The following ROBO2 variants were observed in gnomAD, a reference collection of about 807,000 sequenced individuals.
ROBO2 encodes the protein roundabout guidance receptor 2, also known as roundabout homolog 2.
In ROBO2, 53 loss-of-function variants were observed where a neutral mutation model predicts 160.8. The ratio of observed to expected loss-of-function variants is 0.33; its 90% confidence interval spans 0.26 to 0.41. The LOEUF is 0.41. ROBO2 is among the 10% of genes least tolerant of loss of function. The probability of loss-of-function intolerance (pLI) is 1.00; values close to 1 mark genes in which losing one functional copy is unlikely to be tolerated. For synonymous variants in ROBO2, 664 were observed against 611.7 expected (o/e 1.09, Z -1.26); for missense variants, 1,577 against 1,722.4 (o/e 0.92, Z 1.49).
intron 2 of ROBO2, among the ~76,000 whole-genome samples, chr3:77,369,233 T>G (rs2071393931): frequency 6.6e-6 from 1 of 152,146 alleles, no homozygotes; most frequent in Non-Finnish European, 1.5e-5. Context: ...TGAACAACCC[T>G]GAAAGTTGTT....
At chr3:77,000,400 T>A (rs1370278710) in intron 2 of ROBO2, among the ~76,000 whole-genome samples, 1 of 152,196 alleles carries the variant, frequency 6.6e-6, no homozygotes, top group Admixed American at 6.6e-5. Flanking sequence ...TCAGTCTGGA[T>A]GCTTCTCCCT....
chr3:77,502,940 G>C (rs2087835173), intron 5 of ROBO2, among the ~76,000 whole-genome samples: 1 of 152,080 alleles, frequency 6.6e-6, no homozygotes, highest in East Asian at 1.9e-4. Context: ...CTCTTCTAGG[G>C]TATTGATAGT....
intron 2 of ROBO2, among the ~76,000 whole-genome samples, chr3:77,182,058 T>C (rs2150856534): frequency 6.6e-6 from 1 of 152,240 alleles, no homozygotes; most frequent in South Asian, 2.1e-4. Flanking sequence ...GGTTATTTCT[T>C]TGTATACAGT....
At chr3:76,134,267 AC>A (rs1185707764) in intron 2 of ROBO2, among the ~76,000 whole-genome samples, 1 of 145,960 alleles carries the variant, frequency 6.9e-6, no homozygotes, top group Non-Finnish European at 1.5e-5. Context: ...AAGTGAAGAT[AC>A]TTTTTTTTTC....
At chr3:75,906,823 G>A (rs1559741242) in exon 1 of ROBO2, 1 of 152,316 alleles carries the variant, frequency 6.6e-6, no homozygotes, top group African/African-American at 2.4e-5. Flanking sequence ...GGGAGAAACC[G>A]GGGAGCAGCG....
intron 1 of ROBO2, among the ~76,000 whole-genome samples, chr3:77,084,131 CT>C (rs1198904938): frequency 4.6e-5 from 7 of 151,814 alleles, no homozygotes; most frequent in Non-Finnish European, 1.0e-4. Flanking sequence ...ATATTTTTTT[CT>C]GTTATTTATA....
intron 2 of ROBO2, among the ~76,000 whole-genome samples, chr3:76,581,597 C>T (rs2108734217): frequency 6.6e-6 from 1 of 152,134 alleles, no homozygotes; most frequent in East Asian, 1.9e-4. Context: ...ATGATCATGA[C>T]ACTGCACTCC....
At chr3:76,063,519 T>A (rs888313852) in intron 2 of ROBO2, among the ~76,000 whole-genome samples, 3 of 151,846 alleles carry the variant, frequency 2.0e-5, no homozygotes, top group Admixed American at 6.6e-5. Context: ...AATTTTATTT[T>A]TTTTTTTGTA....
intron 2 of ROBO2, among the ~76,000 whole-genome samples, chr3:76,111,465 G>A (rs1234850307): frequency 6.6e-6 from 1 of 151,958 alleles, no homozygotes; most frequent in East Asian, 1.9e-4. Flanking sequence ...CTTTGTGAGG[G>A]CAGCCCTAGG....
chr3:76,866,524 A>C (rs931377546), intron 2 of ROBO2, among the ~76,000 whole-genome samples: 1 of 152,096 alleles, frequency 6.6e-6, no homozygotes, highest in African/African-American at 2.4e-5. Context: ...ATTTACATTA[A>C]ACTAAAATTA....
rs1306240351 is a variant in ROBO2, at chr3:77,040,272, A to G, written c.-514A>G. Reference sequence around the variant, plus strand: ...TATTATGGAAGTTAAGTAAAAATATAGACATATTAAAAAATAACTCCGGAC... The same window carrying G: ...TATTATGGAAGTTAAGTAAAAATATGGACATATTAAAAAATAACTCCGGAC... On this transcript the variant is annotated 5_prime_UTR_variant, in exon 1 of 26. The change creates a new upstream start codon in the 5' untranslated region. Coordinates refer to ENST00000461745, the Ensembl canonical transcript of ROBO2. 4 of 994,414 alleles carry G rather than the reference A, an allele frequency of 4.0e-6. No homozygotes were observed. In the African/African-American group the frequency reaches 7.0e-5, roughly 17 times the overall value. 61.6% of individuals were successfully genotyped at this position (994,414 alleles called of 1,614,324 possible).
chr3:75,907,785 G>T (rs1313552638), intron 1 of ROBO2, among the ~76,000 whole-genome samples: 2 of 151,886 alleles, frequency 1.3e-5, no homozygotes, highest in African/African-American at 2.4e-5. Context: ...TGAAATTATG[G>T]ACATTTCCCA....
At chr3:76,451,386 A>G (rs1204988429) in intron 2 of ROBO2, among the ~76,000 whole-genome samples, 1 of 152,138 alleles carries the variant, frequency 6.6e-6, no homozygotes, top group Non-Finnish European at 1.5e-5. Flanking sequence ...CAAGTTGGAT[A>G]ATGTATTTTG....
Position 76,679,809 on chromosome 3 carries a change from A to G in ROBO2, c.110-418205A>G, listed in dbSNP as rs185022352. Among the ~76,000 whole-genome samples the G allele has an allele frequency of 1.6e-3, 249 of 152,274 alleles. 2 individuals carry two copies. Among genetic ancestry groups the G allele is most frequent in the African/African-American group, 5.8e-3 (239 of 41,562 alleles). The stretch of plus-strand genomic sequence containing the variant: ...CAAAATTAGCTATTCCACATAAGAA[A>G]GTTGCAGTAATTATTTTCTTAAAAA... On this transcript the variant is annotated intron_variant, in intron 2 of 26. Transcript: ENST00000487694.
intron 2 of ROBO2, among the ~76,000 whole-genome samples, chr3:76,865,881 G>A (rs2071319170): frequency 1.3e-5 from 2 of 151,968 alleles, no homozygotes; most frequent in Non-Finnish European, 2.9e-5. Flanking sequence ...AGAATTTTAG[G>A]ATCAATTATA....
intron 2 of ROBO2, among the ~76,000 whole-genome samples, chr3:76,082,770 A>AT (rs1419932230): frequency 1.3e-5 from 2 of 152,058 alleles, no homozygotes; most frequent in African/African-American, 4.8e-5. Flanking sequence ...CTAGTATGTC[A>AT]TTTTTTATAT....
intron 2 of ROBO2, among the ~76,000 whole-genome samples, chr3:77,266,450 C>A (rs1460832304): frequency 6.6e-6 from 1 of 152,090 alleles, no homozygotes; most frequent in African/African-American, 2.4e-5. Flanking sequence ...GAAAGACCTG[C>A]TGCTGATGAG....
chr3:77,371,801 C>G (rs1176224939), intron 2 of ROBO2, among the ~76,000 whole-genome samples: 1 of 152,128 alleles, frequency 6.6e-6, no homozygotes, highest in Non-Finnish European at 1.5e-5. Context: ...TATCCGGGAC[C>G]AGGCATGTGT....
intron 2 of ROBO2, among the ~76,000 whole-genome samples, chr3:76,888,974 G>A (rs148022911): frequency 1.3e-5 from 2 of 152,318 alleles, no homozygotes; most frequent in Non-Finnish European, 2.9e-5. Context: ...CTGACAGATT[G>A]TTTGGTCAGA....
Sources: allele counts gnomAD v4.1 joint callset (sites outside exome capture counted in the v4.1 genomes callset), GRCh38; gene constraint gnomAD v4.1.1; transcripts MANE v1.5; gene names NCBI Gene and HGNC (gene_info 2026-07-23, HGNC 2026-07-21).